Variants in MTARC1 observed in about 807,000 individuals in gnomAD.
The protein encoded by MTARC1 is mitochondrial amidoxime reducing component 1.
A neutral mutation model predicts 33.6 loss-of-function variants in MTARC1; 24 were observed. The observed-to-expected ratio is 0.72, with a 90% CI of 0.52 to 1.01. The LOEUF (loss-of-function observed/expected upper bound fraction) is 1.01. Among genes scored for constraint, MTARC1 ranks in the 50% least tolerant of loss-of-function variants. The pLI is 0.00. For missense variants in MTARC1, 417 were observed against 445.7 expected (o/e 0.94, Z 0.58); for synonymous variants, 187 against 189.5 (o/e 0.99, Z 0.11).
chr1:220,798,720 C>A, intron 4 of MTARC1: 1 of 754,242 alleles, frequency 1.3e-6, no homozygotes, highest in Non-Finnish European at 1.6e-6. Flanking sequence ...GAAACCCTGA[C>A]CCACAGCTAG....
chr1:220,796,775 A>G lies in MTARC1; in HGVS notation c.582A>G (p.Gln194=). Residue 194 remains glutamine, a synonymous_variant, in exon 3 of 7, where the codon CAA becomes CAG. Transcript: ENST00000366910. The part of the protein sequence containing the change: ...EPHMRPRRPH[Q]IADLFRPKDQ... ...ACATGCGACCGAGACGTCCTCATCA[A>G]ATAGCAGACTTGTTCCGACCCAAGG... 1.2e-6 allele frequency: 2 copies of G among 1,612,090 alleles called. No individual in the cohort carries two copies. The highest frequency in any genetic ancestry group is 1.7e-6 in the Non-Finnish European group (2 of 1,179,176).
chr1:220,796,926 T>C, intron 3 of MTARC1, 121 bp downstream of exon 3: 1 of 992,504 alleles, frequency 1.0e-6, no homozygotes, highest in South Asian at 1.7e-5. Context: ...GTAGCTCAGA[T>C]CACAAGCAGT....
chr1:220,793,517 A>C (rs1209534611), intron 2 of MTARC1: 6 of 152,196 alleles, frequency 3.9e-5, no homozygotes, highest in Admixed American at 6.5e-5. Flanking sequence ...TTCTTTTGAC[A>C]GCCCAACCTA....
intron 3 of MTARC1, among the ~76,000 whole-genome samples, chr1:220,797,283 T>C (rs966073806): frequency 1.3e-5 from 2 of 151,836 alleles, no homozygotes; most frequent in Non-Finnish European, 2.9e-5. Flanking sequence ...ACCATGGCCA[T>C]AAAAAAAATA....
rs199985036 is a variant in MTARC1 at position 220,787,122 on chromosome 1, C to G, written c.178C>G (p.Gln60Glu). ...GCTGCAGCAGGTGGGCACAGTGGCG[C>G]AGCTCTGGATCTACCCTGTGAAATC... ...RLLQQVGTVAQLWIYPVKSCK... is the reference protein window; with the variant it reads ...RLLQQVGTVAELWIYPVKSCK... Residue 60 changes from glutamine to glutamate, a missense_variant, in exon 1 of 7, where the codon CAG becomes GAG. Gln to Glu is a conservative substitution (Grantham distance 29, BLOSUM62 2). Coordinates refer to ENST00000366910, the MANE Select transcript of MTARC1 (RefSeq NM_022746.4). The G allele has an allele frequency of 1.8e-4, 280 of 1,548,652 alleles. No homozygotes were observed. The highest frequency in any genetic ancestry group is 2.3e-4 in the Non-Finnish European group (268 of 1,149,308).
chr1:220,796,781 A>C lies in MTARC1; in HGVS notation c.588A>C (p.Ala196=). The C allele has an allele frequency of 6.2e-7, 1 of 1,611,528 alleles. No individual in the cohort carries two copies. ...HMRPRRPHQI[A]DLFRPKDQIA... ...GACCGAGACGTCCTCATCAAATAGC[A>C]GACTTGTTCCGACCCAAGGACCAGG... is the stretch of plus-strand genomic sequence containing the variant. The change falls in exon 3 of 7, where the codon GCA becomes GCC. Residue 196 remains alanine (A), a synonymous_variant. Coordinates refer to ENST00000366910, the MANE Select transcript of MTARC1 (RefSeq NM_022746.4).
chr1:220,801,769 G>A (rs957047105), intron 4 of MTARC1, among the ~76,000 whole-genome samples: 3 of 152,140 alleles, frequency 2.0e-5, no homozygotes, highest in African/African-American at 7.2e-5. Flanking sequence ...CGCAGGCGGG[G>A]CCAGGGTGCA....
intron 1 of MTARC1, among the ~76,000 whole-genome samples, chr1:220,789,095 C>T (rs748949300): frequency 4.6e-5 from 7 of 151,780 alleles, no homozygotes; most frequent in Non-Finnish European, 1.0e-4. Context: ...AGGGTGCCAG[C>T]ATAGAGGATG....
At position 220,812,925 on chromosome 1, in the gene MTARC1, C is replaced by T. The variant is rs193292727; in HGVS notation, c.888-367C>T. Among the ~76,000 whole-genome samples the T allele has an allele frequency of 3.9e-5, 6 of 152,046 alleles. No homozygotes were observed. The East Asian group carries it at 7.7e-4, about 20-fold the overall frequency. On this transcript the variant is annotated intron_variant, in intron 6 of 6. Coordinates refer to ENST00000366910, the MANE Select transcript of MTARC1 (RefSeq NM_022746.4). Reference sequence around the variant, plus strand: ...ATTTTTAGTAGAGATGAGGTTTCACCGTGTTAGTCAGGATGGTCTTGATCT... The same window carrying T: ...ATTTTTAGTAGAGATGAGGTTTCACTGTGTTAGTCAGGATGGTCTTGATCT...
At chr1:220,805,358 A>T in intron 6 of MTARC1, 84 bp downstream of exon 6, 1 of 1,457,414 alleles carries the variant, frequency 6.9e-7, no homozygotes, top group Non-Finnish European at 9.6e-7. Context: ...TTATAAGAGG[A>T]AGCAGTGAAA....
intron 2 of MTARC1, chr1:220,794,458 T>C (rs917494337): frequency 6.6e-6 from 1 of 151,918 alleles, no homozygotes; most frequent in African/African-American, 2.4e-5. Context: ...TATTCAGTTC[T>C]AGAACTGGTG....
In MTARC1 at chr1:220,797,982, A is replaced by G. The variant is rs1220757625; in HGVS notation, c.721A>G (p.Ile241Val). Residue 241 changes from isoleucine (I) to valine (V), a missense_variant, in exon 4 of 7, where the codon ATT becomes GTT. Coordinates refer to ENST00000366910, the MANE Select transcript of MTARC1 (RefSeq NM_022746.4). ...TAAAGCAACCAACTTCAGGCCCAAT[A>G]TTGTAATTTCAGGATGCGATGTCTA... ...KVKATNFRPN[I>V]VISGCDVYAE... is the part of the protein sequence containing the mutation. 6.8e-6 allele frequency: 11 copies of G among 1,614,072 alleles called. No individual in the cohort carries two copies. Among genetic ancestry groups the G allele is most frequent in the South Asian group, 1.1e-5 (1 of 91,090 alleles).
intron 1 of MTARC1, among the ~76,000 whole-genome samples, chr1:220,788,350 C>G (rs1672308480): frequency 6.6e-6 from 1 of 152,152 alleles, no homozygotes; most frequent in South Asian, 2.1e-4. Flanking sequence ...GAGCAGCCCT[C>G]GCAGTTCAGC....
intron 1 of MTARC1, 50 bp downstream of exon 1, chr1:220,787,269 G>C (rs1007867900): frequency 8.6e-6 from 13 of 1,510,612 alleles, no homozygotes; most frequent in East Asian, 2.6e-5. Context: ...TCGGGGCAAG[G>C]GGGTGAGAAG....
intron 2 of MTARC1, among the ~76,000 whole-genome samples, chr1:220,795,573 A>G (rs1158262733): frequency 6.6e-6 from 1 of 152,216 alleles, no homozygotes; most frequent in African/African-American, 2.4e-5. Flanking sequence ...TGCCAAGTAT[A>G]CGGCTTTGTA....
intron 6 of MTARC1, among the ~76,000 whole-genome samples, chr1:220,807,691 G>T (rs1184361915): frequency 6.6e-6 from 1 of 152,142 alleles, no homozygotes; most frequent in African/African-American, 2.4e-5. Context: ...TTCACCATTT[G>T]CCTGCTTGAG....
rs761420485 is a variant in MTARC1, at chr1:220,787,184, G to C, written c.240G>C (p.Thr80=). ...TGCCGGTGAGCGAGGCGGAGTGCAC[G>C]GCCATGGGGCTGCGCAGCGGCAACC... ...KGVPVSEAEC[T]AMGLRSGNLR... Residue 80 remains threonine (T), a synonymous_variant, in exon 1 of 7, where the codon ACG becomes ACC. Transcript: ENST00000366910. 3.8e-6 allele frequency: 6 copies of C among 1,579,590 alleles called. No individual in the cohort carries two copies. Among genetic ancestry groups the C allele is most frequent in the East Asian group, 2.4e-5 (1 of 42,452 alleles).
intron 6 of MTARC1, among the ~76,000 whole-genome samples, chr1:220,811,047 C>T (rs529052480): frequency 3.3e-5 from 5 of 152,216 alleles, no homozygotes; most frequent in Admixed American, 1.3e-4. Flanking sequence ...CTCAATTTCT[C>T]CCCAAGATAA....
rs112085512 is a variant in MTARC1 at position 220,817,635 on chromosome 1, G to C, written c.*4217G>C. ...AGCTAGACACAGAACACTGACTGGTGCATTTATAATCCTCTAGCTAGAAAG... is the reference window on the plus strand; with the variant it reads ...AGCTAGACACAGAACACTGACTGGTCCATTTATAATCCTCTAGCTAGAAAG... On this transcript the variant is annotated 3_prime_UTR_variant, in exon 7 of 7. Coordinates refer to ENST00000366910, the MANE Select transcript of MTARC1 (RefSeq NM_022746.4). 0.16 allele frequency: 24,135 copies of C among 151,672 alleles called. 1,988 individuals are homozygous for C. The highest frequency in any genetic ancestry group is 0.19 in the Middle Eastern group (55 of 296). The allele number at this position is 151,672 out of a possible 1,614,324, so 9.4% of individuals were successfully genotyped here.
Sources: gnomAD v4.1 joint callset for allele counts (sites outside exome capture counted in the v4.1 genomes callset) on GRCh38, gnomAD v4.1.1 for gene constraint, MANE v1.5 for transcripts, NCBI Gene and HGNC (gene_info 2026-07-23, HGNC 2026-07-21) for gene names.